RANBP17: variants seen among roughly 807,000 people sequenced by gnomAD.
RANBP17 encodes the protein ran-binding protein 17.
RANBP17 carries 158 observed loss-of-function variants against 141.2 expected under a neutral mutation model. The ratio of observed to expected loss-of-function variants is 1.12; its 90% CI spans 0.98 to 1.28. The LOEUF (loss-of-function observed/expected upper bound fraction) is 1.28, where lower values mean the gene tolerates loss of function less well. Among genes scored for constraint, RANBP17 ranks in the 50% most tolerant of loss-of-function variants. The pLI is 0.00. For synonymous variants in RANBP17, 430 were observed against 450.0 expected, an observed-to-expected ratio of 0.96 and a Z score of 0.56; for missense variants, 1,438 against 1,290.7, an observed-to-expected ratio of 1.11 and a Z score of -1.75.
chr5:171,294,777 C>A (rs565518823), intron 26 of RANBP17, among the ~76,000 whole-genome samples: 1 of 152,212 alleles, frequency 6.6e-6, no homozygotes, highest in South Asian at 2.1e-4. Flanking sequence ...AATCCAAGCT[C>A]TATAAAAGAG....
chr5:171,045,992 C>A (rs1782555866), intron 14 of RANBP17, among the ~76,000 whole-genome samples: 1 of 152,124 alleles, frequency 6.6e-6, no homozygotes, highest in African/African-American at 2.4e-5. Flanking sequence ...AAACTGGTTT[C>A]TTTCACTCAG....
At position 171,241,227 on chromosome 5, in the gene RANBP17, G is replaced by A. The variant is rs753863744; in HGVS notation, c.2637+85G>A. The A allele has an allele frequency of 1.2e-4, 117 of 1,001,432 alleles. 1 individual carries two copies. Among genetic ancestry groups the A allele is most frequent in the Non-Finnish European group, 1.6e-4 (106 of 658,930 alleles). The allele number at this position is 1,001,432 out of a possible 1,614,324, so 62.0% of individuals were successfully genotyped here. ...CCTGGAAGTGTTATAATGAAGCCCAGGGAGTTAGCCTAGAACATTTTATGT... is the reference window on the plus strand; with the variant it reads ...CCTGGAAGTGTTATAATGAAGCCCAAGGAGTTAGCCTAGAACATTTTATGT... On this transcript the variant is annotated intron_variant, in intron 23 of 27. Transcript: ENST00000523189.
At chr5:171,273,788 A>C (rs1417702234) in intron 25 of RANBP17, among the ~76,000 whole-genome samples, 1 of 152,254 alleles carries the variant, frequency 6.6e-6, no homozygotes, top group African/African-American at 2.4e-5. Context: ...TGCTACAGTG[A>C]TATTTTTATT....
chr5:171,240,952 GC>G lies in RANBP17; in HGVS notation c.2449del (p.Leu817SerfsTer9). On this transcript the variant is annotated frameshift_variant, in exon 23 of 28. Coordinates refer to ENST00000523189, the MANE Select transcript of RANBP17 (RefSeq NM_022897.5). LOFTEE classifies it high-confidence loss of function. Reference sequence around the variant, plus strand: ...GGTAATCAGATCCTGTCCCTTGGGAGCCTCTCAAAAGATCAGATTTATCCAA... The same window carrying G: ...GGTAATCAGATCCTGTCCCTTGGGAGCTCTCAAAAGATCAGATTTATCCAA... ...TYGNQILSLG[S>X]LSKDQIYPMK... The G allele has an allele frequency of 6.2e-7, 1 of 1,613,282 alleles. No homozygotes were observed. Among genetic ancestry groups the G allele is most frequent in the East Asian group, 2.2e-5 (1 of 44,884 alleles).
chr5:170,895,593 G>A (rs1770046962), intron 4 of RANBP17, among the ~76,000 whole-genome samples: 1 of 152,110 alleles, frequency 6.6e-6, no homozygotes, highest in African/African-American at 2.4e-5. Context: ...CAAGAGATTT[G>A]AATTAGTGCC....
intron 12 of RANBP17, among the ~76,000 whole-genome samples, chr5:170,927,496 A>G (rs1282618786): frequency 6.6e-6 from 1 of 152,096 alleles, no homozygotes; most frequent in South Asian, 2.1e-4. Context: ...TTAAATTTAC[A>G]TAAGAGCCAT....
At chr5:171,037,387 T>C (rs1182789237) in intron 14 of RANBP17, among the ~76,000 whole-genome samples, 1 of 152,150 alleles carries the variant, frequency 6.6e-6, no homozygotes, top group African/African-American at 2.4e-5. Context: ...ATTCTGTAGA[T>C]TGTCTATTTA....
chr5:171,091,878 G>A (rs62392979), intron 14 of RANBP17, among the ~76,000 whole-genome samples: 2,555 of 152,054 alleles, frequency 0.017, 41 homozygotes, highest in Non-Finnish European at 0.023. Flanking sequence ...TTTGTAAATC[G>A]CCCAGTCTTG....
intron 14 of RANBP17, among the ~76,000 whole-genome samples, chr5:171,048,877 C>A (rs1043687124): frequency 2.0e-5 from 3 of 152,058 alleles, no homozygotes; most frequent in African/African-American, 7.2e-5. Flanking sequence ...TCCAGTCTAC[C>A]ATTGGTGGGC....
rs370852933 is a variant in RANBP17, at chr5:170,974,120, T to C, written c.1710+5743T>C. ...AGTCTTAGTTTATCCTACAATCAGC[T>C]CCAAAGTCTGAAGCCTAGAGTCTCA... On this transcript the variant is annotated intron_variant, in intron 14 of 27. Transcript: ENST00000523189. Among the ~76,000 whole-genome samples, 62 of 152,252 alleles carry C rather than the reference T, an allele frequency of 4.1e-4. 1 individual carries two copies. The South Asian group carries it at 0.012, about 31-fold the overall frequency.
At chr5:171,087,995 G>C (rs1443365914) in intron 14 of RANBP17, among the ~76,000 whole-genome samples, 3 of 151,354 alleles carry the variant, frequency 2.0e-5, no homozygotes, top group Admixed American at 2.0e-4. Context: ...GTGTGAATTT[G>C]ATCCTGTCAT....
At chr5:171,077,196 C>T (rs1203074602) in intron 14 of RANBP17, among the ~76,000 whole-genome samples, 2 of 151,884 alleles carry the variant, frequency 1.3e-5, no homozygotes, top group Non-Finnish European at 2.9e-5. Context: ...AAAAATTAGC[C>T]GGGTGTGGTG....
intron 22 of RANBP17, among the ~76,000 whole-genome samples, chr5:171,233,439 A>C (rs990548816): frequency 6.6e-6 from 1 of 152,200 alleles, no homozygotes; most frequent in African/African-American, 2.4e-5. Flanking sequence ...GGTCACACAA[A>C]AACATGCACA....
intron 14 of RANBP17, among the ~76,000 whole-genome samples, chr5:171,113,402 T>C (rs1389412666): frequency 2.0e-5 from 3 of 152,152 alleles, no homozygotes; most frequent in Non-Finnish European, 4.4e-5. Flanking sequence ...ACAAAAATTT[T>C]AGTACCTCCT....
rs571066557 is a variant in RANBP17 at position 170,931,932 on chromosome 5, T to A, written c.1468+7382T>A. ...TATGAACTTTAAAGTAGTTTTTTCC[T>A]ATTCTGTGAAGAAAGTCAGTGGTAG... On this transcript the variant is annotated intron_variant, in intron 12 of 27. Coordinates refer to ENST00000523189, the MANE Select transcript of RANBP17 (RefSeq NM_022897.5). Among the ~76,000 whole-genome samples, 17 of 152,010 alleles carry A rather than the reference T, an allele frequency of 1.1e-4. No homozygotes were observed. In the South Asian group the frequency reaches 2.1e-3, roughly 19 times the overall value.
chr5:171,128,936 A>T (rs1364296382), intron 14 of RANBP17, among the ~76,000 whole-genome samples: 2 of 152,186 alleles, frequency 1.3e-5, no homozygotes, highest in South Asian at 4.1e-4. Flanking sequence ...GATATTAATG[A>T]GTGCTTATAA....
At chr5:170,933,682 A>G (rs954044576) in intron 12 of RANBP17, among the ~76,000 whole-genome samples, 2 of 152,172 alleles carry the variant, frequency 1.3e-5, no homozygotes, top group Non-Finnish European at 2.9e-5. Context: ...CCCAGTAGTC[A>G]TTCAGGAGCA....
intron 14 of RANBP17, among the ~76,000 whole-genome samples, chr5:171,051,710 A>T (rs554786365): frequency 1.3e-5 from 2 of 152,120 alleles, no homozygotes; most frequent in Admixed American, 1.3e-4. Flanking sequence ...TTTTTTTACA[A>T]GTTACCATGT....
At chr5:170,944,775 A>G (rs566895446) in intron 12 of RANBP17, among the ~76,000 whole-genome samples, 2 of 152,318 alleles carry the variant, frequency 1.3e-5, no homozygotes, top group East Asian at 3.9e-4. Flanking sequence ...TTAGAAGAAA[A>G]TGCTCATAAT....
Sources: allele counts gnomAD v4.1 joint callset (sites outside exome capture counted in the v4.1 genomes callset), GRCh38; gene constraint gnomAD v4.1.1; transcripts MANE v1.5; gene names NCBI Gene and HGNC (gene_info 2026-07-23, HGNC 2026-07-21).